The following GRIK4 variants were observed in gnomAD, a reference collection of about 807,000 sequenced individuals.
GRIK4 encodes glutamate receptor ionotropic, kainate 4.
Under a neutral mutation model 104.9 loss-of-function variants are expected in GRIK4, and 40 were observed. The observed-to-expected ratio is 0.38, with a 90% CI of 0.30 to 0.50. GRIK4 has a LOEUF of 0.50. GRIK4 is among the 20% of genes least tolerant of loss of function. The pLI, the probability that GRIK4 is intolerant of heterozygous loss-of-function variation, is 0.93. For synonymous variants in GRIK4, 485 were observed against 524.9 expected, an observed-to-expected ratio of 0.92 and a Z score of 1.04; for missense variants, 1,047 against 1,308.1, an observed-to-expected ratio of 0.80 and a Z score of 3.08.
chr11:120,691,357 T>G (rs1275788999), intron 3 of GRIK4, among the ~76,000 whole-genome samples: 3 of 152,178 alleles, frequency 2.0e-5, no homozygotes, highest in African/African-American at 7.2e-5. Flanking sequence ...ACCAGGCCCC[T>G]GCGATGTGAC....
chr11:120,527,650 T>C (rs1947872185), intron 1 of GRIK4, among the ~76,000 whole-genome samples: 2 of 152,258 alleles, frequency 1.3e-5, no homozygotes, highest in Non-Finnish European at 2.9e-5. Flanking sequence ...GTGATGTGGC[T>C]GAGCCAGACA....
At chr11:120,860,011 C>T (rs947042392) in intron 8 of GRIK4, among the ~76,000 whole-genome samples, 4 of 152,138 alleles carry the variant, frequency 2.6e-5, no homozygotes, top group African/African-American at 9.7e-5. Flanking sequence ...GCAAGGGTGG[C>T]GCCAGGGGCC....
Position 120,511,779 on chromosome 11 carries a change from G to A in GRIK4, c.-267G>A. 2.8e-6 allele frequency: 1 copy of A among 355,898 alleles called. No individual in the cohort carries two copies. The allele number at this position is 355,898 out of a possible 1,614,324, so 22.0% of individuals were successfully genotyped here. Reference sequence around the variant, plus strand: ...CCTTCAGCTGCGGGCGGATCGGGCTGGAGCCGCCACGGCTGCTGCGGAAGA... The same window carrying A: ...CCTTCAGCTGCGGGCGGATCGGGCTAGAGCCGCCACGGCTGCTGCGGAAGA... On this transcript the variant is annotated 5_prime_UTR_variant, in exon 1 of 21. Transcript: ENST00000527524.
At chr11:120,872,802 C>T in intron 9 of GRIK4, 1 of 170,100 alleles carries the variant, frequency 5.9e-6, no homozygotes, top group South Asian at 1.5e-4. Flanking sequence ...CATACATTAA[C>T]ATAGTGTGGT....
chr11:120,679,513 T>G (rs35101469), intron 3 of GRIK4, among the ~76,000 whole-genome samples: 69,604 of 151,902 alleles, frequency 0.46, 16,279 homozygotes, highest in East Asian at 0.55. Context: ...TCTAATACAG[T>G]CCTGGGACAG....
At chr11:120,836,752 T>C in intron 7 of GRIK4, 39 bp from the exon 8 acceptor site, 1 of 1,481,558 alleles carries the variant, frequency 6.7e-7, no homozygotes, top group Admixed American at 1.7e-5. Flanking sequence ...CAAGTGAGTT[T>C]TTGTTTTCTT....
At chr11:120,733,501 G>T (rs550696208) in intron 3 of GRIK4, among the ~76,000 whole-genome samples, 40 of 148,614 alleles carry the variant, frequency 2.7e-4, no homozygotes, top group South Asian at 1.3e-3. Flanking sequence ...GTATTTTTTT[G>T]GGGGGGGAGC....
chr11:120,802,587 G>T, intron 3 of GRIK4, 106 bp from the exon 4 acceptor site: 3 of 924,928 alleles, frequency 3.2e-6, no homozygotes, highest in Non-Finnish European at 3.5e-6. Flanking sequence ...AGGAACTTGG[G>T]GTGCTGCCTG....
chr11:120,743,056 C>A (rs1013350563), intron 3 of GRIK4, among the ~76,000 whole-genome samples: 2 of 152,090 alleles, frequency 1.3e-5, no homozygotes, highest in Non-Finnish European at 2.9e-5. Flanking sequence ...CATGGTGAAA[C>A]CCCGTCTGTA....
intron 1 of GRIK4, among the ~76,000 whole-genome samples, chr11:120,649,376 A>G (rs1457562094): frequency 6.6e-6 from 1 of 152,194 alleles, no homozygotes; most frequent in Non-Finnish European, 1.5e-5. Flanking sequence ...GATGTGCACC[A>G]GAAGTGGCCA....
intron 3 of GRIK4, among the ~76,000 whole-genome samples, chr11:120,721,359 C>T (rs1243535263): frequency 1.3e-5 from 2 of 152,140 alleles, no homozygotes; most frequent in Non-Finnish European, 2.9e-5. Flanking sequence ...ATGGCAAAGG[C>T]AATGTTTTAA....
At chr11:120,689,107 G>C (rs956223337) in intron 3 of GRIK4, among the ~76,000 whole-genome samples, 4 of 152,156 alleles carry the variant, frequency 2.6e-5, no homozygotes, top group African/African-American at 9.7e-5. Flanking sequence ...GTCAGGGCTT[G>C]GGTAAGCCAC....
intron 1 of GRIK4, among the ~76,000 whole-genome samples, chr11:120,552,516 T>G (rs1329473063): frequency 6.6e-6 from 1 of 152,118 alleles, no homozygotes; most frequent in East Asian, 1.9e-4. Flanking sequence ...AAGTGACAAC[T>G]TTACTGCGTC....
intron 12 of GRIK4, among the ~76,000 whole-genome samples, chr11:120,899,363 G>A (rs1942670282): frequency 1.3e-5 from 2 of 148,710 alleles, no homozygotes; most frequent in Non-Finnish European, 1.5e-5. Context: ...AGAGGTTGCA[G>A]TGAGCCGAGA....
intron 3 of GRIK4, among the ~76,000 whole-genome samples, chr11:120,709,355 G>A (rs960169413): frequency 6.6e-6 from 1 of 151,982 alleles, no homozygotes; most frequent in Non-Finnish European, 1.5e-5. Flanking sequence ...GTTACATGTC[G>A]GAGACATGAG....
chr11:120,947,346 G>A (rs1450786276), intron 14 of GRIK4, among the ~76,000 whole-genome samples: 2 of 150,820 alleles, frequency 1.3e-5, no homozygotes, highest in African/African-American at 4.9e-5. Context: ...AGGTTGTAGT[G>A]AGCCGAGATT....
At chr11:120,668,580 C>A (rs540068861) in intron 3 of GRIK4, among the ~76,000 whole-genome samples, 1 of 152,242 alleles carries the variant, frequency 6.6e-6, no homozygotes, top group South Asian at 2.1e-4. Context: ...AAGGGGGTCC[C>A]CCATGTCTCC....
At chr11:120,525,834 T>TTGG (rs1408954168) in intron 1 of GRIK4, among the ~76,000 whole-genome samples, 1 of 152,076 alleles carries the variant, frequency 6.6e-6, no homozygotes, top group Non-Finnish European at 1.5e-5. Context: ...CAGCTGGAGT[T>TTGG]AGAGTCCCTC....
rs577718711 is a variant in GRIK4 at position 120,564,246 on chromosome 11, C to G, written c.-159+52359C>G. On this transcript the variant is annotated intron_variant, in intron 1 of 20. Transcript: ENST00000527524. ...GGCAGCTGAATCCAGCCCCTTGTTA[C>G]GGGGGAAAATGCTCTCATTGAAGCG... Among the ~76,000 whole-genome samples the G allele has an allele frequency of 1.4e-4, 22 of 152,228 alleles. 1 individual carries two copies. The highest frequency in any genetic ancestry group is 5.1e-4 in the African/African-American group (21 of 41,464).
Sources: allele counts gnomAD v4.1 joint callset (sites outside exome capture counted in the v4.1 genomes callset), GRCh38; gene constraint gnomAD v4.1.1; transcripts MANE v1.5; gene names NCBI Gene and HGNC (gene_info 2026-07-23, HGNC 2026-07-21).